Variants in CNTNAP5 observed in about 807,000 individuals in gnomAD.
CNTNAP5 encodes the protein contactin associated protein family member 5, also known as contactin-associated protein-like 5.
CNTNAP5 carries 72 observed loss-of-function variants against 150.2 expected under a neutral mutation model. The ratio of observed to expected loss-of-function variants is 0.48; its 90% CI spans 0.40 to 0.58. The LOEUF is 0.58. CNTNAP5 is among the 20% of genes least tolerant of loss of function. The pLI is 0.00. For missense variants in CNTNAP5, 1,636 were observed against 1,626.2 expected (o/e 1.01, Z -0.10); for synonymous variants, 672 against 619.8 (o/e 1.08, Z -1.25).
chr2:124,352,153 C>T (rs574996803), intron 3 of CNTNAP5, among the ~76,000 whole-genome samples: 2 of 151,908 alleles, frequency 1.3e-5, no homozygotes, highest in African/African-American at 4.8e-5. Context: ...GCTACAATGA[C>T]CTTGCCTCAT....
intron 1 of CNTNAP5, among the ~76,000 whole-genome samples, chr2:124,167,905 C>G (rs538145608): frequency 1.3e-5 from 2 of 152,072 alleles, no homozygotes; most frequent in African/African-American, 4.8e-5. Flanking sequence ...GAGGGAGTAC[C>G]AGAGGAGACA....
At chr2:124,620,759 A>G (rs988037691) in intron 12 of CNTNAP5, among the ~76,000 whole-genome samples, 6 of 127,974 alleles carry the variant, frequency 4.7e-5, no homozygotes, top group Admixed American at 3.0e-4. Context: ...ACACACACAC[A>G]CACACACACA....
chr2:124,483,814 C>T (rs773187645), intron 7 of CNTNAP5, among the ~76,000 whole-genome samples: 2 of 152,224 alleles, frequency 1.3e-5, no homozygotes, highest in Non-Finnish European at 2.9e-5. Context: ...AATTACACAC[C>T]TGGCATGGTC....
intron 3 of CNTNAP5, among the ~76,000 whole-genome samples, chr2:124,283,172 C>G (rs1478667949): frequency 1.3e-5 from 2 of 152,112 alleles, no homozygotes; most frequent in East Asian, 1.9e-4. Context: ...TTGGTTTGGT[C>G]TTGGTTGAGG....
intron 1 of CNTNAP5, among the ~76,000 whole-genome samples, chr2:124,054,296 A>C (rs968959088): frequency 1.3e-5 from 2 of 152,206 alleles, no homozygotes; most frequent in Admixed American, 1.3e-4. Context: ...GCATTTGGGC[A>C]GTGGGAAAAT....
chr2:124,559,262 A>G (rs1377397269), intron 10 of CNTNAP5, among the ~76,000 whole-genome samples: 2 of 152,038 alleles, frequency 1.3e-5, no homozygotes, highest in Admixed American at 6.5e-5. Flanking sequence ...TAACCCTCTG[A>G]CTTTTTTTTT....
chr2:124,852,235 C>A (rs571196110), intron 19 of CNTNAP5, among the ~76,000 whole-genome samples: 27 of 152,264 alleles, frequency 1.8e-4, no homozygotes, highest in African/African-American at 5.8e-4. Context: ...TCAATTATGA[C>A]TGACAGCTTG....
chr2:124,759,210 T>C (rs548528951), intron 14 of CNTNAP5, among the ~76,000 whole-genome samples: 4 of 151,912 alleles, frequency 2.6e-5, no homozygotes, highest in South Asian at 2.1e-4. Context: ...TTTGGAATCA[T>C]CAAGATCTAA....
At chr2:124,716,773 A>AT (rs950144132) in intron 13 of CNTNAP5, among the ~76,000 whole-genome samples, 31 of 152,162 alleles carry the variant, frequency 2.0e-4, no homozygotes, top group African/African-American at 6.3e-4. Context: ...TAGGTGATAG[A>AT]TTTTTCTGGC....
chr2:124,324,741 G>A (rs1250662986), intron 3 of CNTNAP5, among the ~76,000 whole-genome samples: 2 of 152,152 alleles, frequency 1.3e-5, no homozygotes, highest in Non-Finnish European at 1.5e-5. Flanking sequence ...AAGGCAAGCA[G>A]GAGGACTTTC....
chr2:124,466,220 G>T (rs79042706), intron 6 of CNTNAP5, among the ~76,000 whole-genome samples: 1 of 151,780 alleles, frequency 6.6e-6, no homozygotes, highest in Non-Finnish European at 1.5e-5. Flanking sequence ...AAATCCTTCA[G>T]CAGAATAGTG....
intron 19 of CNTNAP5, among the ~76,000 whole-genome samples, chr2:124,821,517 G>A (rs1267370098): frequency 6.6e-6 from 1 of 152,206 alleles, no homozygotes; most frequent in South Asian, 2.1e-4. Context: ...TGTTGAGGAT[G>A]TTGATCCTGG....
At chr2:124,658,037 CA>C (rs1438728654) in intron 13 of CNTNAP5, among the ~76,000 whole-genome samples, 18 of 152,140 alleles carry the variant, frequency 1.2e-4, no homozygotes, top group African/African-American at 4.1e-4. Flanking sequence ...TCTTTATTCC[CA>C]AAATGCTTAG....
At position 124,162,660 on chromosome 2, in the gene CNTNAP5, T is replaced by A. The variant is rs552414675; in HGVS notation, c.83-59045T>A. Among the ~76,000 whole-genome samples the A allele has an allele frequency of 4.6e-5, 7 of 152,278 alleles. No individual in the cohort carries two copies. In the South Asian group the frequency reaches 1.4e-3, roughly 32 times the overall value. On this transcript the variant is annotated intron_variant, in intron 1 of 23. Transcript: ENST00000682447. ...GAAGAGTGAAAAGTAGAAATCAAGATAAGGGTAAGATTAAAATTTTTTAAA... is the reference window on the plus strand; with the variant it reads ...GAAGAGTGAAAAGTAGAAATCAAGAAAAGGGTAAGATTAAAATTTTTTAAA...
At chr2:124,898,604 CA>C (rs1678355133) in intron 21 of CNTNAP5, among the ~76,000 whole-genome samples, 1 of 151,430 alleles carries the variant, frequency 6.6e-6, no homozygotes, top group South Asian at 2.1e-4. Context: ...TTTAAATGCC[CA>C]AAAACGTTAG....
chr2:124,486,310 G>A (rs1208536991), intron 7 of CNTNAP5, among the ~76,000 whole-genome samples: 1 of 152,142 alleles, frequency 6.6e-6, no homozygotes, highest in African/African-American at 2.4e-5. Context: ...GGGGAGGGTG[G>A]CTGGAGGGTG....
intron 10 of CNTNAP5, among the ~76,000 whole-genome samples, chr2:124,557,365 C>A (rs1390830450): frequency 6.6e-6 from 1 of 152,050 alleles, no homozygotes; most frequent in African/African-American, 2.4e-5. Flanking sequence ...CTTTGCCTGC[C>A]CTCTTTCCTA....
intron 13 of CNTNAP5, among the ~76,000 whole-genome samples, chr2:124,667,120 A>G (rs1165584527): frequency 1.3e-5 from 2 of 152,210 alleles, no homozygotes; most frequent in African/African-American, 4.8e-5. Context: ...GGAAAGATTA[A>G]CCAAGGAATG....
intron 3 of CNTNAP5, among the ~76,000 whole-genome samples, chr2:124,405,554 C>T (rs539717249): frequency 1.2e-4 from 18 of 152,218 alleles, no homozygotes; most frequent in Admixed American, 3.9e-4. Flanking sequence ...TTTTTACTTA[C>T]GACCTCGGAT....
Sources: allele counts gnomAD v4.1 joint callset (sites outside exome capture counted in the v4.1 genomes callset), GRCh38; gene constraint gnomAD v4.1.1; transcripts MANE v1.5; gene names NCBI Gene and HGNC (gene_info 2026-07-23, HGNC 2026-07-21).